Variants in CSMD1 observed in about 807,000 individuals in gnomAD.
The protein encoded by CSMD1 is CUB and sushi domain-containing protein 1.
In CSMD1, 213 loss-of-function variants were observed where a neutral mutation model predicts 417.5. The ratio of observed to expected loss-of-function variants is 0.51; its 90% CI spans 0.46 to 0.57. The LOEUF (loss-of-function observed/expected upper bound fraction) is 0.57. CSMD1 is among the 20% of genes least tolerant of loss of function. The pLI, the probability that CSMD1 is intolerant of heterozygous loss-of-function variation, is 0.00. For missense variants in CSMD1, 6,923 were observed against 4,529.7 expected, an observed-to-expected ratio of 1.53 and a Z score of -15.17; for synonymous variants, 2,862 against 1,736.8, an observed-to-expected ratio of 1.65 and a Z score of -16.11.
chr8:4,596,705 C>G (rs932078590), intron 2 of CSMD1, among the ~76,000 whole-genome samples: 1 of 152,172 alleles, frequency 6.6e-6, no homozygotes, highest in Non-Finnish European at 1.5e-5. Context: ...CATTCAAAAA[C>G]AGTTCATTTT....
chr8:3,669,212 T>A (rs1035681326), intron 7 of CSMD1, among the ~76,000 whole-genome samples: 1 of 152,204 alleles, frequency 6.6e-6, no homozygotes, highest in Non-Finnish European at 1.5e-5. Context: ...GGAGCATAAA[T>A]TCAAAGACAC....
chr8:3,521,052 C>T (rs922304391), intron 10 of CSMD1, among the ~76,000 whole-genome samples: 1 of 152,162 alleles, frequency 6.6e-6, no homozygotes, highest in Non-Finnish European at 1.5e-5. Flanking sequence ...GAACTTTATG[C>T]CTCCAGTCAC....
intron 23 of CSMD1, 135 bp from the exon 24 acceptor site, chr8:3,308,638 G>C (rs1045326122): frequency 6.0e-6 from 4 of 664,338 alleles, no homozygotes; most frequent in Non-Finnish European, 1.0e-5. Flanking sequence ...ATTTACAAAG[G>C]GGAAAAGAAA....
intron 5 of CSMD1, among the ~76,000 whole-genome samples, chr8:3,797,688 T>C (rs1035199174): frequency 3.3e-5 from 5 of 151,978 alleles, no homozygotes; most frequent in Admixed American, 2.0e-4. Context: ...TTGGATTGTT[T>C]CACCTTTTGG....
At chr8:3,494,234 T>C (rs111767436) in intron 10 of CSMD1, among the ~76,000 whole-genome samples, 2 of 152,110 alleles carry the variant, frequency 1.3e-5, no homozygotes, top group African/African-American at 2.4e-5. Flanking sequence ...AGCCTGTAAG[T>C]TTTTTGTTTG....
At chr8:4,161,457 G>C (rs1356868100) in intron 3 of CSMD1, among the ~76,000 whole-genome samples, 1 of 152,146 alleles carries the variant, frequency 6.6e-6, no homozygotes, top group Non-Finnish European at 1.5e-5. Context: ...GGAATAAGTT[G>C]AATGGCTTAC....
chr8:3,011,018 G>A (rs983511254), intron 52 of CSMD1, among the ~76,000 whole-genome samples: 27 of 152,106 alleles, frequency 1.8e-4, no homozygotes, highest in African/African-American at 5.5e-4. Flanking sequence ...GAGCCACCGC[G>A]CCCTGCCTAT....
At chr8:3,557,907 T>G (rs1017521331) in intron 10 of CSMD1, among the ~76,000 whole-genome samples, 12 of 152,182 alleles carry the variant, frequency 7.9e-5, no homozygotes, top group Non-Finnish European at 1.5e-4. Flanking sequence ...AGTTATACGG[T>G]CAACTCCCTA....
chr8:3,810,473 C>T (rs1449082306), intron 5 of CSMD1, among the ~76,000 whole-genome samples: 1 of 152,100 alleles, frequency 6.6e-6, no homozygotes, highest in African/African-American at 2.4e-5. Context: ...ACTGCAGACT[C>T]TGAGGCAGCC....
intron 1 of CSMD1, among the ~76,000 whole-genome samples, chr8:4,748,887 C>T (rs1676945): frequency 0.18 from 27,085 of 152,154 alleles, 2,758 homozygotes; most frequent in African/African-American, 0.29. Context: ...AAAGTTATTC[C>T]GGTCCTGTTA....
At chr8:4,066,334 C>T (rs920322235) in intron 3 of CSMD1, among the ~76,000 whole-genome samples, 1 of 152,144 alleles carries the variant, frequency 6.6e-6, no homozygotes, top group African/African-American at 2.4e-5. Flanking sequence ...TGCTGCCTAG[C>T]CCGTTCTGTC....
intron 5 of CSMD1, among the ~76,000 whole-genome samples, chr8:3,936,953 C>G (rs896899973): frequency 2.0e-5 from 3 of 152,110 alleles, no homozygotes; most frequent in Non-Finnish European, 4.4e-5. Flanking sequence ...AAAATACCAG[C>G]ACGAACAGGA....
At chr8:3,977,345 G>C (rs1447920724) in intron 5 of CSMD1, among the ~76,000 whole-genome samples, 3 of 152,126 alleles carry the variant, frequency 2.0e-5, no homozygotes, top group Non-Finnish European at 4.4e-5. Context: ...ACTCAGCAAA[G>C]CAATGTCAAG....
intron 3 of CSMD1, among the ~76,000 whole-genome samples, chr8:4,042,945 G>C (rs1020040012): frequency 1.3e-5 from 2 of 150,486 alleles, no homozygotes; most frequent in Non-Finnish European, 2.9e-5. Flanking sequence ...GGCCAAGAGA[G>C]CAAAAACCCA....
intron 5 of CSMD1, among the ~76,000 whole-genome samples, chr8:3,757,384 A>G (rs921611545): frequency 3.9e-5 from 6 of 152,170 alleles, no homozygotes; most frequent in African/African-American, 1.4e-4. Context: ...GTGTGTTCCA[A>G]TAACACTTTA....
At chr8:4,166,161 T>A (rs1034562117) in intron 3 of CSMD1, among the ~76,000 whole-genome samples, 2 of 152,204 alleles carry the variant, frequency 1.3e-5, no homozygotes, top group African/African-American at 2.4e-5. Context: ...TATTTTAAAT[T>A]TGTAGTAGTC....
At chr8:4,943,869 G>A (rs1347893834) in intron 1 of CSMD1, among the ~76,000 whole-genome samples, 1 of 152,216 alleles carries the variant, frequency 6.6e-6, no homozygotes, top group African/African-American at 2.4e-5. Flanking sequence ...ATAAATAAGT[G>A]TAAGAGCCCA....
intron 2 of CSMD1, among the ~76,000 whole-genome samples, chr8:4,445,650 G>A (rs780982575): frequency 1.3e-5 from 2 of 152,144 alleles, no homozygotes; most frequent in Non-Finnish European, 2.9e-5. Flanking sequence ...GGAAAGTAAG[G>A]TTATTGAAGC....
intron 49 of CSMD1, among the ~76,000 whole-genome samples, chr8:3,069,988 G>A (rs1813217849): frequency 6.6e-6 from 1 of 152,196 alleles, no homozygotes; most frequent in Non-Finnish European, 1.5e-5. Flanking sequence ...CAAGGTGTAT[G>A]GCTTGCACCC....
Sources: gnomAD v4.1 joint callset for allele counts (sites outside exome capture counted in the v4.1 genomes callset) on GRCh38, gnomAD v4.1.1 for gene constraint, MANE v1.5 for transcripts, NCBI Gene and HGNC (gene_info 2026-07-23, HGNC 2026-07-21) for gene names.